The following VCF1 variants were observed in gnomAD, a reference collection of about 807,000 sequenced individuals.
VCF1 encodes VCP nuclear cofactor family member 1.
At chr17:73,226,145 C>T in the VCF1 span, among the ~76,000 whole-genome samples, 2 of 151,924 alleles carry the variant, frequency 1.3e-5, no homozygotes, top group Non-Finnish European at 2.9e-5. Context: ...TCGTGATCTG[C>T]CCACCTTGGC....
chr17:73,225,530 T>TA, the VCF1 span, among the ~76,000 whole-genome samples: 1 of 151,988 alleles, frequency 6.6e-6, no homozygotes, highest in Non-Finnish European at 1.5e-5. Flanking sequence ...AACTGGCAGA[T>TA]ACGGGAAAAA....
At chr17:73,211,487 G>C in the VCF1 span, among the ~76,000 whole-genome samples, 8 of 151,032 alleles carry the variant, frequency 5.3e-5, no homozygotes, top group Admixed American at 6.6e-5. Context: ...GAGATCGCTT[G>C]AACCTGGGGG....
chr17:73,211,080 C>T, the VCF1 span, among the ~76,000 whole-genome samples: 1 of 152,174 alleles, frequency 6.6e-6, no homozygotes, highest in Non-Finnish European at 1.5e-5. Flanking sequence ...CCGTTTAATA[C>T]ATCCACATTT....
chr17:73,208,987 GT>G, the VCF1 span: 1 of 223,716 alleles, frequency 4.5e-6, no homozygotes, highest in East Asian at 1.2e-4. Flanking sequence ...TTGTTCTCCT[GT>G]TACACAGGAG....
At chr17:73,230,405 C>CT in the VCF1 span, among the ~76,000 whole-genome samples, 31 of 148,322 alleles carry the variant, frequency 2.1e-4, no homozygotes, top group South Asian at 4.3e-4. Flanking sequence ...CCTGAAAACC[C>CT]TTTTTTTTTT....
At chr17:73,207,474 T>TAATA in the VCF1 span, 19 of 664,270 alleles carry the variant, frequency 2.9e-5, no homozygotes, top group East Asian at 8.8e-5. Flanking sequence ...AGTAGCCTCT[T>TAATA]AATAGAAATG....
the VCF1 span, among the ~76,000 whole-genome samples, chr17:73,218,606 C>CGGT: frequency 6.6e-6 from 1 of 152,096 alleles, no homozygotes; most frequent in Non-Finnish European, 1.5e-5. Flanking sequence ...AAACTGCTGC[C>CGGT]GGGCGCGGTG....
the VCF1 span, chr17:73,229,224 GAA>G: frequency 1.0e-6 from 1 of 985,440 alleles, no homozygotes; most frequent in Non-Finnish European, 1.2e-6. Context: ...ACCAGATTAA[GAA>G]AGAGTCCTAC....
the VCF1 span, among the ~76,000 whole-genome samples, chr17:73,226,885 A>G: frequency 6.6e-6 from 1 of 152,254 alleles, no homozygotes; most frequent in South Asian, 2.1e-4. Context: ...GAAATACAAA[A>G]CAGTGAGTTC....
At chr17:73,227,234 G>C in the VCF1 span, 11 of 1,574,270 alleles carry the variant, frequency 7.0e-6, no homozygotes, top group African/African-American at 1.4e-5. Context: ...GAAGATGGTT[G>C]TCTTCTTCGT....
At chr17:73,232,217 A>G in the VCF1 span, 2 of 1,611,248 alleles carry the variant, frequency 1.2e-6, no homozygotes, top group East Asian at 4.5e-5. Context: ...TGGCTCTCGC[A>G]GCCGCTCGGG....
the VCF1 span, among the ~76,000 whole-genome samples, chr17:73,225,795 C>T: frequency 1.4e-5 from 2 of 140,038 alleles, no homozygotes; most frequent in Non-Finnish European, 3.3e-5. Context: ...CCAACTATTA[C>T]ATTAAACAAA....
the VCF1 span, chr17:73,232,318 C>T: frequency 6.4e-7 from 1 of 1,564,480 alleles, no homozygotes; most frequent in Admixed American, 1.8e-5. Context: ...TCGCTGCCGC[C>T]GTGGTACCGC....
the VCF1 span, among the ~76,000 whole-genome samples, chr17:73,212,477 G>A: frequency 4.8e-5 from 7 of 145,380 alleles, no homozygotes; most frequent in East Asian, 2.1e-4. Flanking sequence ...ATAATGGGCC[G>A]GGCTGATGAA....
At chr17:73,208,408 C>T in the VCF1 span, 1 of 1,614,222 alleles carries the variant, frequency 6.2e-7, no homozygotes, top group Admixed American at 1.7e-5. Flanking sequence ...ACGTCTGCAC[C>T]TTCATTATTC....
chr17:73,226,017 T>C, the VCF1 span, among the ~76,000 whole-genome samples: 6 of 150,618 alleles, frequency 4.0e-5, no homozygotes, highest in South Asian at 1.1e-3. Flanking sequence ...TTCTCCCACC[T>C]CAGCCTCCCA....
At chr17:73,223,543 A>G in the VCF1 span, among the ~76,000 whole-genome samples, 1 of 152,174 alleles carries the variant, frequency 6.6e-6, no homozygotes, top group Non-Finnish European at 1.5e-5. Flanking sequence ...CATAAATAAA[A>G]CACCTCACAT....
chr17:73,226,211 TTG>T, the VCF1 span, among the ~76,000 whole-genome samples: 1 of 152,126 alleles, frequency 6.6e-6, no homozygotes. Context: ...AGGAAAATAT[TTG>T]AAGAGGAAAA....
chr17:73,207,880 A>G, the VCF1 span: 1 of 1,192,402 alleles, frequency 8.4e-7, no homozygotes. Context: ...CGAACCCATT[A>G]AGATCTAAAA....
Sources: allele counts gnomAD v4.1 joint callset (sites outside exome capture counted in the v4.1 genomes callset), GRCh38; gene constraint gnomAD v4.1.1; transcripts MANE v1.5; gene names NCBI Gene and HGNC (gene_info 2026-07-23, HGNC 2026-07-21).